The following SLC39A11 variants were observed in gnomAD, a reference collection of about 807,000 sequenced individuals.
The protein encoded by SLC39A11 is solute carrier family 39 member 11.
In SLC39A11, 33 loss-of-function variants were observed where a neutral mutation model predicts 36.1. The ratio of observed to expected loss-of-function variants is 0.91; its 90% CI spans 0.69 to 1.22. SLC39A11 has a LOEUF of 1.22. SLC39A11 is among the 50% of genes most tolerant of loss of function. The pLI is 0.00. For missense variants in SLC39A11, 432 were observed against 430.3 expected (o/e 1.00, Z -0.03); for synonymous variants, 166 against 170.3 (o/e 0.97, Z 0.20).
chr17:72,912,291 T>C (rs116117978), intron 5 of SLC39A11, among the ~76,000 whole-genome samples: 77,379 of 151,236 alleles, frequency 0.51, 19,747 homozygotes, highest in African/African-American at 0.54. Context: ...GAGGACCTAG[T>C]GCAGTCCCCA....
chr17:72,893,695 A>G (rs1367010310), intron 5 of SLC39A11, among the ~76,000 whole-genome samples: 3 of 152,162 alleles, frequency 2.0e-5, no homozygotes, highest in African/African-American at 7.2e-5. Context: ...ACACAACATG[A>G]GAAAAATCAA....
intron 3 of SLC39A11, among the ~76,000 whole-genome samples, chr17:73,068,777 C>T (rs770339452): frequency 4.6e-5 from 7 of 152,104 alleles, no homozygotes; most frequent in Non-Finnish European, 1.0e-4. Context: ...TCATTATTAC[C>T]TTTCACCTAA....
At chr17:73,012,162 G>C (rs2090559957) in intron 4 of SLC39A11, among the ~76,000 whole-genome samples, 1 of 151,936 alleles carries the variant, frequency 6.6e-6, no homozygotes, top group South Asian at 2.1e-4. Context: ...TGTAGTCCCA[G>C]CTACTGGGGA....
intron 4 of SLC39A11, among the ~76,000 whole-genome samples, chr17:73,002,586 A>T (rs142781881): frequency 5.1e-4 from 78 of 152,360 alleles, no homozygotes; most frequent in African/African-American, 1.7e-3. Flanking sequence ...CTTCAATGGC[A>T]CAGAGCAGAG....
intron 5 of SLC39A11, among the ~76,000 whole-genome samples, chr17:72,916,305 A>G (rs2083329137): frequency 1.3e-5 from 2 of 152,282 alleles, no homozygotes; most frequent in South Asian, 4.1e-4. Flanking sequence ...CCACTATTTG[A>G]TCACCTTAAG....
chr17:72,891,191 G>A (rs2081723796), intron 5 of SLC39A11, among the ~76,000 whole-genome samples: 1 of 152,116 alleles, frequency 6.6e-6, no homozygotes, highest in African/African-American at 2.4e-5. Flanking sequence ...GGAGGCCAAG[G>A]TGAGTGGATC....
chr17:72,957,512 T>C (rs1044930209), intron 4 of SLC39A11, among the ~76,000 whole-genome samples: 6 of 152,112 alleles, frequency 3.9e-5, no homozygotes, highest in African/African-American at 1.4e-4. Context: ...GGTCTGAAAG[T>C]TTTACACAGA....
chr17:72,893,813 G>A (rs1476024028), intron 5 of SLC39A11, among the ~76,000 whole-genome samples: 1 of 152,160 alleles, frequency 6.6e-6, no homozygotes, highest in Admixed American at 6.5e-5. Context: ...GGCTGGATAA[G>A]TCCCATTGTT....
intron 5 of SLC39A11, among the ~76,000 whole-genome samples, chr17:72,907,018 C>T (rs1292265385): frequency 6.6e-6 from 1 of 152,164 alleles, no homozygotes; most frequent in Non-Finnish European, 1.5e-5. Context: ...ACTGACCATC[C>T]CAGAAGAAGG....
At chr17:72,852,935 A>G (rs1384500365) in intron 5 of SLC39A11, among the ~76,000 whole-genome samples, 1 of 152,212 alleles carries the variant, frequency 6.6e-6, no homozygotes, top group East Asian at 1.9e-4. Flanking sequence ...GTCTGAGCAT[A>G]CAGGCCTGCA....
At chr17:72,688,084 T>C (rs1009493945) in intron 7 of SLC39A11, among the ~76,000 whole-genome samples, 6 of 152,156 alleles carry the variant, frequency 3.9e-5, no homozygotes, top group Non-Finnish European at 8.8e-5. Flanking sequence ...GACTGTCAAA[T>C]GCTCTGGGCT....
At chr17:72,723,509 C>G (rs1303346785) in intron 7 of SLC39A11, among the ~76,000 whole-genome samples, 1 of 152,066 alleles carries the variant, frequency 6.6e-6, no homozygotes. Flanking sequence ...CAACCATCAC[C>G]CTACATGTGG....
intron 3 of SLC39A11, among the ~76,000 whole-genome samples, chr17:73,078,465 C>A (rs2060402674): frequency 6.6e-6 from 1 of 150,688 alleles, no homozygotes; most frequent in Non-Finnish European, 1.5e-5. Context: ...AAAACTGTTT[C>A]ATTAGTCTTT....
rs145408347 is a variant in SLC39A11, at chr17:72,985,347, G to A, written c.307-37472C>T. 2.4e-3 allele frequency among the ~76,000 whole-genome samples: 359 copies of A among 149,806 alleles called. 1 individual carries two copies. Among genetic ancestry groups the A allele is most frequent in the Non-Finnish European group, 3.7e-3 (253 of 67,700 alleles). On this transcript the variant is annotated intron_variant, in intron 4 of 9. Coordinates refer to ENST00000255559, the MANE Select transcript of SLC39A11 (RefSeq NM_139177.4). ...AGCCAGCTATATCTGACCCTATCAG[G>A]TATTACCCACTTGTGACATTCATTT...
At chr17:72,964,318 C>G (rs896585595) in intron 4 of SLC39A11, among the ~76,000 whole-genome samples, 1 of 152,220 alleles carries the variant, frequency 6.6e-6, no homozygotes, top group African/African-American at 2.4e-5. Flanking sequence ...CATGTGGTCC[C>G]TGGATGAGCT....
At chr17:73,052,319 A>G (rs1179857934) in intron 3 of SLC39A11, among the ~76,000 whole-genome samples, 2 of 151,596 alleles carry the variant, frequency 1.3e-5, no homozygotes, top group Non-Finnish European at 2.9e-5. Context: ...CTAGAGGGGA[A>G]AAAAAAAACA....
chr17:72,886,740 G>A (rs574845351), intron 5 of SLC39A11, among the ~76,000 whole-genome samples: 2 of 152,280 alleles, frequency 1.3e-5, no homozygotes, highest in Admixed American at 6.5e-5. Context: ...CTGCCCGCTG[G>A]AACACTTGCT....
intron 6 of SLC39A11, among the ~76,000 whole-genome samples, chr17:72,819,623 T>C (rs906731387): frequency 6.6e-6 from 1 of 151,102 alleles, no homozygotes; most frequent in Non-Finnish European, 1.5e-5. Context: ...CTCTGGGATT[T>C]TGAACTTCTA....
chr17:73,073,267 T>C (rs2060219386), intron 3 of SLC39A11, among the ~76,000 whole-genome samples: 2 of 152,174 alleles, frequency 1.3e-5, no homozygotes, highest in South Asian at 4.1e-4. Context: ...GGAGTGCCAG[T>C]GTCTTGTAGC....
Sources: gnomAD v4.1 joint callset for allele counts (sites outside exome capture counted in the v4.1 genomes callset) on GRCh38, gnomAD v4.1.1 for gene constraint, MANE v1.5 for transcripts, NCBI Gene and HGNC (gene_info 2026-07-23, HGNC 2026-07-21) for gene names.